Variants in EVI5 observed in about 807,000 individuals in gnomAD.
EVI5 encodes the protein ecotropic viral integration site 5 protein homolog.
EVI5 carries 73 observed loss-of-function variants against 112.0 expected under a neutral mutation model. That is an observed-to-expected ratio of 0.65 (90% confidence interval 0.54 to 0.79). The LOEUF (loss-of-function observed/expected upper bound fraction) is 0.79, where lower values mean the gene tolerates loss of function less well. EVI5 is among the 30% of genes least tolerant of loss of function. The probability of loss-of-function intolerance (pLI) is 0.00; values close to 1 mark genes in which losing one functional copy is unlikely to be tolerated. For missense variants in EVI5, 900 were observed against 968.8 expected (o/e 0.93, Z 0.94); for synonymous variants, 305 against 319.9 (o/e 0.95, Z 0.50).
intron 1 of EVI5, among the ~76,000 whole-genome samples, chr1:92,754,897 T>C (rs1201892666): frequency 2.0e-5 from 3 of 152,206 alleles, no homozygotes; most frequent in Non-Finnish European, 4.4e-5. Flanking sequence ...TGACATATTA[T>C]GTTCAACACA....
chr1:92,773,600 C>T (rs916681284), intron 1 of EVI5, among the ~76,000 whole-genome samples: 9 of 152,104 alleles, frequency 5.9e-5, no homozygotes, highest in African/African-American at 2.2e-4. Context: ...TATGATCACA[C>T]TACTGCACTC....
At chr1:92,673,185 CTT>C (rs35702596) in intron 10 of EVI5, among the ~76,000 whole-genome samples, 25 of 123,588 alleles carry the variant, frequency 2.0e-4, no homozygotes, top group African/African-American at 6.1e-4. Context: ...TAACACTTCT[CTT>C]TTTTTTTTTT....
At chr1:92,706,319 T>C (rs1671957448) in intron 2 of EVI5, among the ~76,000 whole-genome samples, 1 of 152,184 alleles carries the variant, frequency 6.6e-6, no homozygotes, top group African/African-American at 2.4e-5. Flanking sequence ...AGTAAGTCCG[T>C]AATATATCTT....
chr1:92,751,506 G>A (rs1390338965), intron 1 of EVI5, among the ~76,000 whole-genome samples: 1 of 152,102 alleles, frequency 6.6e-6, no homozygotes, highest in Non-Finnish European at 1.5e-5. Context: ...TGTGATCCCA[G>A]GTATTCCTTT....
chr1:92,776,927 C>T (rs1181272166), intron 1 of EVI5, among the ~76,000 whole-genome samples: 1 of 152,004 alleles, frequency 6.6e-6, no homozygotes, highest in Non-Finnish European at 1.5e-5. Flanking sequence ...CTCAGCCTCC[C>T]GAGTAGCTGG....
intron 2 of EVI5, among the ~76,000 whole-genome samples, chr1:92,713,555 C>T (rs1417467329): frequency 1.3e-5 from 2 of 152,092 alleles, no homozygotes; most frequent in African/African-American, 4.8e-5. Context: ...ACGGGCCAAT[C>T]GCTTGAGGTC....
At chr1:92,784,277 G>A (rs1014318183) in intron 1 of EVI5, 1 of 984,342 alleles carries the variant, frequency 1.0e-6, no homozygotes, top group Non-Finnish European at 1.2e-6. Flanking sequence ...GTTAATTTGA[G>A]GCTTGCCCCA....
At chr1:92,785,387 G>C (rs539551906), upstream of EVI5, among the ~76,000 whole-genome samples, 1 of 152,288 alleles carries the variant, frequency 6.6e-6, no homozygotes, top group South Asian at 2.1e-4. Flanking sequence ...AAGCGACCCC[G>C]AGCTTAGGAC....
intron 19 of EVI5, among the ~76,000 whole-genome samples, chr1:92,522,035 C>G (rs746261250): frequency 2.6e-5 from 4 of 152,100 alleles, no homozygotes; most frequent in Non-Finnish European, 4.4e-5. Flanking sequence ...GTTTAATAAC[C>G]TGCTTTTTCA....
In EVI5 at chr1:92,667,675, G is replaced by T. The variant is rs969092000; in HGVS notation, c.1159-1683C>A. Among the ~76,000 whole-genome samples, 4 of 152,250 alleles carry T rather than the reference G, an allele frequency of 2.6e-5. No individual in the cohort carries two copies. In the East Asian group the frequency reaches 7.7e-4, roughly 29 times the overall value. On this transcript the variant is annotated intron_variant, in intron 10 of 19. Coordinates refer to ENST00000684568, the MANE Select transcript of EVI5 (RefSeq NM_001350197.2). ...CTGTCGCCCAGGCTGGAATGCAGTG[G>T]TGCGATCTCAGCTCATTGCAACCTC...
chr1:92,634,351 CA>C (rs1171776760), intron 14 of EVI5, among the ~76,000 whole-genome samples: 2 of 152,208 alleles, frequency 1.3e-5, no homozygotes, highest in Non-Finnish European at 2.9e-5. Context: ...CACATAGTCC[CA>C]TATTTCTTGG....
chr1:92,522,579 C>T (rs978482075), intron 19 of EVI5, among the ~76,000 whole-genome samples: 1 of 129,856 alleles, frequency 7.7e-6, no homozygotes. Flanking sequence ...GTTCACTAGC[C>T]GAGATCACGC....
intron 19 of EVI5, among the ~76,000 whole-genome samples, chr1:92,550,241 G>C (rs778613533): frequency 2.0e-5 from 3 of 150,662 alleles, no homozygotes; most frequent in Non-Finnish European, 4.4e-5. Context: ...GCAAATTATT[G>C]CAAGGACAAA....
intron 16 of EVI5, chr1:92,622,447 A>C (rs1416301557): frequency 4.2e-6 from 1 of 237,606 alleles, no homozygotes; most frequent in Non-Finnish European, 8.6e-6. Context: ...GAATGTTCAG[A>C]GTAGCACTGT....
At chr1:92,525,226 T>C (rs565035155) in intron 19 of EVI5, among the ~76,000 whole-genome samples, 2 of 150,152 alleles carry the variant, frequency 1.3e-5, no homozygotes, top group South Asian at 4.3e-4. Flanking sequence ...TTTGTTATAA[T>C]AAGATATGAG....
intron 19 of EVI5, among the ~76,000 whole-genome samples, chr1:92,553,751 C>T (rs916720342): frequency 6.6e-6 from 1 of 152,194 alleles, no homozygotes; most frequent in Non-Finnish European, 1.5e-5. Context: ...GTGATTATTA[C>T]AGTTTTTCCC....
intron 19 of EVI5, among the ~76,000 whole-genome samples, chr1:92,514,455 C>T (rs1038412362): frequency 2.0e-5 from 3 of 152,132 alleles, no homozygotes; most frequent in African/African-American, 7.2e-5. Flanking sequence ...CACACCTGGC[C>T]TGTAACTTAC....
chr1:92,755,389 C>T (rs998355855), intron 1 of EVI5, among the ~76,000 whole-genome samples: 1 of 151,940 alleles, frequency 6.6e-6, no homozygotes, highest in East Asian at 1.9e-4. Flanking sequence ...CCAGCCTGGG[C>T]GACACAGCAA....
intron 1 of EVI5, among the ~76,000 whole-genome samples, chr1:92,747,357 C>G (rs965340717): frequency 6.6e-6 from 1 of 152,050 alleles, no homozygotes; most frequent in African/African-American, 2.4e-5. Context: ...AGCAAGAAAA[C>G]TAATTGTTAT....
Sources: gnomAD v4.1 joint callset for allele counts (sites outside exome capture counted in the v4.1 genomes callset) on GRCh38, gnomAD v4.1.1 for gene constraint, MANE v1.5 for transcripts, NCBI Gene and HGNC (gene_info 2026-07-23, HGNC 2026-07-21) for gene names.